SKAP1: variants seen among roughly 807,000 people sequenced by gnomAD.
SKAP1 encodes the protein src kinase associated phosphoprotein 1, also known as src kinase-associated phosphoprotein 1.
In SKAP1, 44 loss-of-function variants were observed where a neutral mutation model predicts 58.5. The ratio of observed to expected loss-of-function variants is 0.75; its 90% CI spans 0.59 to 0.97. The LOEUF (loss-of-function observed/expected upper bound fraction) is 0.97. Among genes scored for constraint, SKAP1 ranks in the 50% least tolerant of loss-of-function variants. The pLI, the probability that SKAP1 is intolerant of heterozygous loss-of-function variation, is 0.00. For missense variants in SKAP1, 390 were observed against 435.2 expected (o/e 0.90, Z 0.92); for synonymous variants, 127 against 149.7 (o/e 0.85, Z 1.11).
chr17:48,202,933 A>C (rs962251882), intron 4 of SKAP1, among the ~76,000 whole-genome samples: 1 of 152,180 alleles, frequency 6.6e-6, no homozygotes, highest in African/African-American at 2.4e-5. Context: ...TTGCTTATTT[A>C]GCAAGTAGCA....
intron 1 of SKAP1, among the ~76,000 whole-genome samples, chr17:48,414,563 A>G (rs892939164): frequency 6.6e-6 from 1 of 152,236 alleles, no homozygotes; most frequent in Non-Finnish European, 1.5e-5. Context: ...AAACTTAAAC[A>G]CAGCTCTGAC....
chr17:48,351,517 T>C (rs1375574623), intron 3 of SKAP1, among the ~76,000 whole-genome samples: 1 of 152,050 alleles, frequency 6.6e-6, no homozygotes, highest in Non-Finnish European at 1.5e-5. Flanking sequence ...GTGAGTGTAA[T>C]GGTACTGAAT....
intron 4 of SKAP1, among the ~76,000 whole-genome samples, chr17:48,319,852 C>G (rs566118856): frequency 1.2e-3 from 182 of 152,064 alleles, no homozygotes; most frequent in Middle Eastern, 6.8e-3. Flanking sequence ...AAAAAACAAA[C>G]AAACGAACAA....
intron 4 of SKAP1, among the ~76,000 whole-genome samples, chr17:48,340,753 A>G (rs1299712765): frequency 2.6e-5 from 4 of 152,258 alleles, no homozygotes; most frequent in Non-Finnish European, 4.4e-5. Context: ...GTTAAAAAGA[A>G]TATCATAAAG....
chr17:48,363,937 T>A (rs1231340388), intron 2 of SKAP1, 123 bp from the exon 3 acceptor site: 2 of 579,522 alleles, frequency 3.5e-6, no homozygotes, highest in Non-Finnish European at 5.8e-6. Flanking sequence ...CCAGCCAAAG[T>A]CACTACTAAT....
intron 4 of SKAP1, among the ~76,000 whole-genome samples, chr17:48,228,757 G>C (rs1319452844): frequency 6.6e-6 from 1 of 152,208 alleles, no homozygotes; most frequent in African/African-American, 2.4e-5. Context: ...GTGACTGCCA[G>C]AGCTCAGTTA....
chr17:48,427,166 C>T (rs2067863703), intron 1 of SKAP1, among the ~76,000 whole-genome samples: 1 of 152,088 alleles, frequency 6.6e-6, no homozygotes, highest in Non-Finnish European at 1.5e-5. Context: ...TTACTTATTC[C>T]TAGGCTTACA....
intron 4 of SKAP1, among the ~76,000 whole-genome samples, chr17:48,226,606 T>C (rs1016511843): frequency 6.6e-6 from 1 of 152,196 alleles, no homozygotes; most frequent in African/African-American, 2.4e-5. Flanking sequence ...AACCACAGGT[T>C]CAATTCCCAG....
intron 1 of SKAP1, among the ~76,000 whole-genome samples, chr17:48,411,691 G>C (rs2067668310): frequency 6.6e-6 from 1 of 152,302 alleles, no homozygotes; most frequent in South Asian, 2.1e-4. Flanking sequence ...CACTTGACAT[G>C]ATGGGACGAA....
chr17:48,343,641 A>C (rs2066685702), intron 4 of SKAP1, among the ~76,000 whole-genome samples: 1 of 152,206 alleles, frequency 6.6e-6, no homozygotes, highest in East Asian at 1.9e-4. Context: ...TGAGTTTTGC[A>C]CTTTGGAGTT....
chr17:48,333,132 C>T (rs1227918488), intron 4 of SKAP1, among the ~76,000 whole-genome samples: 1 of 152,136 alleles, frequency 6.6e-6, no homozygotes, highest in Non-Finnish European at 1.5e-5. Flanking sequence ...TTTCAATATA[C>T]AGTATCTCAC....
chr17:48,147,477 C>T (rs531174522), intron 11 of SKAP1, among the ~76,000 whole-genome samples: 1 of 152,102 alleles, frequency 6.6e-6, no homozygotes, highest in East Asian at 1.9e-4. Flanking sequence ...AATATCATAC[C>T]CTATGAAATA....
chr17:48,428,488 G>T (rs757274804), intron 1 of SKAP1, among the ~76,000 whole-genome samples: 1 of 152,228 alleles, frequency 6.6e-6, no homozygotes, highest in Admixed American at 6.5e-5. Context: ...GTTTACCAAA[G>T]TGTCAGTTTT....
chr17:48,206,252 C>T (rs1056371142), intron 4 of SKAP1, among the ~76,000 whole-genome samples: 1 of 151,990 alleles, frequency 6.6e-6, no homozygotes, highest in Non-Finnish European at 1.5e-5. Flanking sequence ...TTTTACATTT[C>T]CTGGTTTATT....
intron 9 of SKAP1, among the ~76,000 whole-genome samples, chr17:48,178,071 C>T (rs1567807450): frequency 6.6e-6 from 1 of 152,002 alleles, no homozygotes; most frequent in Admixed American, 6.6e-5. Context: ...ATACTCTGGG[C>T]GGTGCTGCAT....
intron 4 of SKAP1, among the ~76,000 whole-genome samples, chr17:48,198,646 C>A (rs1033740146): frequency 1.3e-5 from 2 of 151,740 alleles, no homozygotes; most frequent in African/African-American, 4.8e-5. Context: ...TCATGAATTC[C>A]CACAGTGCTT....
chr17:48,190,063 C>G (rs566958304), intron 4 of SKAP1, among the ~76,000 whole-genome samples: 1 of 151,444 alleles, frequency 6.6e-6, no homozygotes, highest in Non-Finnish European at 1.5e-5. Context: ...GGTGAGGTAG[C>G]GTAAATATGC....
At chr17:48,441,160 G>A in the SKAP1 span, among the ~76,000 whole-genome samples, 4 of 152,210 alleles carry the variant, frequency 2.6e-5, no homozygotes, top group African/African-American at 4.8e-5. Context: ...GGACTAAGAT[G>A]AGATTCATAG....
At chr17:48,168,844 C>T (rs529881407) in intron 10 of SKAP1, among the ~76,000 whole-genome samples, 14 of 152,174 alleles carry the variant, frequency 9.2e-5, no homozygotes, top group Admixed American at 3.9e-4. Context: ...TAAATGATGA[C>T]ATTTGGATTT....
Sources: allele counts gnomAD v4.1 joint callset (sites outside exome capture counted in the v4.1 genomes callset), GRCh38; gene constraint gnomAD v4.1.1; transcripts MANE v1.5; gene names NCBI Gene and HGNC (gene_info 2026-07-23, HGNC 2026-07-21).